Variants in NBEA observed in about 807,000 individuals in gnomAD.
The protein encoded by NBEA is neurobeachin.
NBEA carries 44 observed loss-of-function variants against 343.4 expected under a neutral mutation model. The observed-to-expected ratio is 0.13, with a 90% CI of 0.10 to 0.16. NBEA has a LOEUF of 0.16. Among genes scored for constraint, NBEA ranks in the 10% least tolerant of loss-of-function variants. The pLI, the probability that NBEA is intolerant of heterozygous loss-of-function variation, is 1.00. For missense variants in NBEA, 2,555 were observed against 3,631.3 expected (o/e 0.70, Z 7.62); for synonymous variants, 1,175 against 1,238.7 (o/e 0.95, Z 1.08).
At chr13:35,400,377 T>A (rs2042949177) in intron 38 of NBEA, among the ~76,000 whole-genome samples, 2 of 151,978 alleles carry the variant, frequency 1.3e-5, no homozygotes, top group Non-Finnish European at 2.9e-5. Flanking sequence ...ATTGTAAGAA[T>A]TATATGTTTA....
chr13:35,638,594 AAAG>A lies in NBEA; in HGVS notation c.7618-7271_7618-7269del. 2.0e-5 allele frequency among the ~76,000 whole-genome samples: 3 copies of A among 152,312 alleles called. No individual in the cohort carries two copies. In the Middle Eastern group the frequency reaches 0.01, roughly 518 times the overall value. On this transcript the variant is annotated intron_variant, in intron 49 of 58. Transcript: ENST00000379939. ...CTATGGAGGCGCATCTTCCAGAGCC[AAAG>A]AAGGTGTCCAGCTCACTGGTCTGTT...
chr13:35,432,478 T>C (rs756549945), intron 39 of NBEA, 85 bp downstream of exon 39: 22 of 1,244,390 alleles, frequency 1.8e-5, no homozygotes, highest in East Asian at 8.0e-5. Flanking sequence ...TTTTTTTCGC[T>C]AGTATTTAAT....
chr13:35,611,527 C>A (rs1451982651), intron 48 of NBEA, among the ~76,000 whole-genome samples: 1 of 152,072 alleles, frequency 6.6e-6, no homozygotes, highest in East Asian at 1.9e-4. Flanking sequence ...AGTTATATGA[C>A]CATCACCACA....
At chr13:35,111,051 C>T (rs1398181675) in intron 13 of NBEA, 73 bp downstream of exon 13, 32 of 1,305,842 alleles carry the variant, frequency 2.5e-5, no homozygotes, top group East Asian at 1.7e-4. Flanking sequence ...TTAAAGTGAG[C>T]AGTGTACATG....
chr13:35,210,943 G>A, intron 32 of NBEA, 110 bp from the exon 33 acceptor site: 2 of 1,181,544 alleles, frequency 1.7e-6, no homozygotes, highest in Non-Finnish European at 2.4e-6. Context: ...GTCAAATTCG[G>A]TTTTGAAAAT....
intron 41 of NBEA, among the ~76,000 whole-genome samples, chr13:35,484,270 GTGTGTATATATA>G (rs1566204470): frequency 8.2e-6 from 1 of 121,970 alleles, no homozygotes; most frequent in African/African-American, 3.3e-5. Context: ...GTGTGTGTGT[GTGTGTATATATA>G]TATATATATA....
chr13:35,619,103 T>G (rs1211981010), intron 48 of NBEA, among the ~76,000 whole-genome samples: 1 of 151,122 alleles, frequency 6.6e-6, no homozygotes, highest in Non-Finnish European at 1.5e-5. Flanking sequence ...TGTAAAAATT[T>G]GCATTTGGGG....
At chr13:35,440,091 G>T (rs1237825137) in intron 39 of NBEA, among the ~76,000 whole-genome samples, 1 of 152,184 alleles carries the variant, frequency 6.6e-6, no homozygotes, top group Non-Finnish European at 1.5e-5. Flanking sequence ...TGTTGGCCAG[G>T]CTGGTCTCGA....
At chr13:35,608,005 C>T (rs977122043) in intron 48 of NBEA, among the ~76,000 whole-genome samples, 2 of 152,166 alleles carry the variant, frequency 1.3e-5, no homozygotes, top group Non-Finnish European at 2.9e-5. Flanking sequence ...TCCTCCCCTC[C>T]TCTCGATTTT....
intron 41 of NBEA, among the ~76,000 whole-genome samples, chr13:35,523,018 C>A (rs910707599): frequency 6.6e-6 from 1 of 152,024 alleles, no homozygotes; most frequent in South Asian, 2.1e-4. Context: ...ACCAGTTGGA[C>A]GTAGAAAGGA....
chr13:35,007,318 A>G (rs1593441933), intron 1 of NBEA, among the ~76,000 whole-genome samples: 1 of 152,162 alleles, frequency 6.6e-6, no homozygotes, highest in African/African-American at 2.4e-5. Flanking sequence ...TACTATGTCC[A>G]TATGACTGAA....
intron 34 of NBEA, among the ~76,000 whole-genome samples, chr13:35,279,362 A>G (rs1024249882): frequency 6.6e-6 from 1 of 152,222 alleles, no homozygotes; most frequent in African/African-American, 2.4e-5. Context: ...TTACACAGCT[A>G]GTTTGTAGAG....
intron 10 of NBEA, among the ~76,000 whole-genome samples, chr13:35,097,953 A>T (rs2065423761): frequency 6.6e-6 from 1 of 152,090 alleles, no homozygotes; most frequent in African/African-American, 2.4e-5. Context: ...TACAGGCTTT[A>T]TTATGATACA....
intron 45 of NBEA, among the ~76,000 whole-genome samples, chr13:35,578,740 T>C (rs977264454): frequency 2.0e-5 from 3 of 152,110 alleles, no homozygotes; most frequent in African/African-American, 4.8e-5. Context: ...GAACATTTTA[T>C]GTGTGCAGGT....
At chr13:35,660,748 T>C (rs1056378535) in intron 55 of NBEA, among the ~76,000 whole-genome samples, 11 of 152,164 alleles carry the variant, frequency 7.2e-5, no homozygotes, top group African/African-American at 2.7e-4. Context: ...TTATAAGAAA[T>C]GAAAGCATGG....
chr13:35,302,413 C>A (rs1263347842), intron 35 of NBEA, among the ~76,000 whole-genome samples: 1 of 152,160 alleles, frequency 6.6e-6, no homozygotes, highest in Admixed American at 6.5e-5. Flanking sequence ...AGTTAACAGA[C>A]ATTGACTTGG....
intron 39 of NBEA, among the ~76,000 whole-genome samples, chr13:35,451,462 T>G (rs1594683475): frequency 6.6e-6 from 1 of 152,338 alleles, no homozygotes; most frequent in East Asian, 1.9e-4. Flanking sequence ...AAGGCTATCA[T>G]TTCAGAAAAA....
rs766201824 is a variant in NBEA, at chr13:35,098,413, A to G, written c.1680+8A>G. 4 of 1,537,654 alleles carry G rather than the reference A, an allele frequency of 2.6e-6. No homozygotes were observed. The highest frequency in any genetic ancestry group is 3.5e-6 in the Non-Finnish European group (4 of 1,127,494). ...GGCTACTTACTTGAAAAGGTAAGTG[A>G]TATGTGTTGATGGTTTTATTGTGTA... is the stretch of plus-strand genomic sequence containing the variant. On this transcript the variant is annotated splice_region_variant and intron_variant, in intron 11 of 58. Coordinates refer to ENST00000379939, the MANE Select transcript of NBEA (RefSeq NM_001385012.1).
At chr13:35,168,217 A>T (rs2070189036) in intron 24 of NBEA, among the ~76,000 whole-genome samples, 1 of 151,686 alleles carries the variant, frequency 6.6e-6, no homozygotes, top group South Asian at 2.1e-4. Context: ...AAAATAGCAT[A>T]TTTTAAGATT....
Sources: allele counts gnomAD v4.1 joint callset (sites outside exome capture counted in the v4.1 genomes callset), GRCh38; gene constraint gnomAD v4.1.1; transcripts MANE v1.5; gene names NCBI Gene and HGNC (gene_info 2026-07-23, HGNC 2026-07-21).